The following FER variants were observed in gnomAD, a reference collection of about 807,000 sequenced individuals.
FER encodes the protein tyrosine-protein kinase Fer.
In FER, 63 loss-of-function variants were observed where a neutral mutation model predicts 111.0. The observed-to-expected ratio is 0.57, with a 90% CI of 0.46 to 0.70. The LOEUF is 0.70. FER is among the 30% of genes least tolerant of loss of function. The pLI is 0.00. For missense variants in FER, 914 were observed against 954.0 expected (o/e 0.96, Z 0.55); for synonymous variants, 327 against 313.9 (o/e 1.04, Z -0.44).
chr5:109,010,202 G>C (rs12152788), intron 13 of FER, among the ~76,000 whole-genome samples: 8,748 of 152,094 alleles, frequency 0.058, 384 homozygotes, highest in South Asian at 0.12. Context: ...CTGTCGCCCA[G>C]GCTAGAGTGC....
chr5:108,802,602 T>C (rs554612181), intron 3 of FER, among the ~76,000 whole-genome samples: 2 of 152,108 alleles, frequency 1.3e-5, no homozygotes, highest in East Asian at 3.9e-4. Flanking sequence ...AGTGAGAACA[T>C]GGAGTATTTG....
intron 13 of FER, among the ~76,000 whole-genome samples, chr5:109,020,460 T>C (rs1249656873): frequency 6.6e-6 from 1 of 151,978 alleles, no homozygotes; most frequent in Admixed American, 6.6e-5. Context: ...TCATTCTTTG[T>C]TATTTAATAA....
chr5:108,839,963 G>A (rs539382031), intron 5 of FER, among the ~76,000 whole-genome samples: 2 of 151,804 alleles, frequency 1.3e-5, no homozygotes, highest in East Asian at 1.9e-4. Context: ...ATATCTACTC[G>A]TCCAGCCCCA....
chr5:109,170,051 A>C (rs1374210227), intron 17 of FER, among the ~76,000 whole-genome samples: 3 of 152,136 alleles, frequency 2.0e-5, no homozygotes, highest in Non-Finnish European at 2.9e-5. Flanking sequence ...TCATTATGGC[A>C]CCTTGTGCAT....
chr5:108,993,099 C>T (rs527377271), intron 13 of FER, among the ~76,000 whole-genome samples: 259 of 152,004 alleles, frequency 1.7e-3, no homozygotes, highest in South Asian at 4.6e-3. Flanking sequence ...AGACGATGGG[C>T]GGCCAAGCAG....
At chr5:108,868,016 A>T (rs1309247746) in intron 6 of FER, 66 bp downstream of exon 6, 4 of 1,457,190 alleles carry the variant, frequency 2.7e-6, no homozygotes, top group Non-Finnish European at 3.7e-6. Context: ...TTTTCTCTCT[A>T]GTTTAGGTGT....
chr5:108,967,667 G>A (rs11960336), intron 13 of FER, among the ~76,000 whole-genome samples: 41,579 of 151,122 alleles, frequency 0.28, 6,212 homozygotes, highest in African/African-American at 0.4. Flanking sequence ...GGCTAAGGCA[G>A]GAGAATCGCT....
At chr5:108,884,184 T>G (rs750986154) in intron 9 of FER, among the ~76,000 whole-genome samples, 1 of 152,028 alleles carries the variant, frequency 6.6e-6, no homozygotes, top group Non-Finnish European at 1.5e-5. Flanking sequence ...AGACCTCACA[T>G]ATTTCTTGCT....
chr5:109,023,046 T>C (rs1478949992), intron 13 of FER, among the ~76,000 whole-genome samples: 1 of 152,096 alleles, frequency 6.6e-6, no homozygotes, highest in Non-Finnish European at 1.5e-5. Flanking sequence ...GTAAAATGTA[T>C]GTAAAGGGAG....
intron 15 of FER, among the ~76,000 whole-genome samples, chr5:109,045,272 T>C (rs1356603962): frequency 6.9e-6 from 1 of 145,424 alleles, no homozygotes; most frequent in Non-Finnish European, 1.5e-5. Flanking sequence ...TTTAAGTATA[T>C]ACATTTAAGT....
At chr5:108,820,501 T>G in intron 3 of FER, 1 of 985,434 alleles carries the variant, frequency 1.0e-6, no homozygotes, top group Non-Finnish European at 1.2e-6. Flanking sequence ...ACCAAGAAGC[T>G]GGAAAAGTAT....
At chr5:109,171,434 G>T (rs763520133) in intron 17 of FER, among the ~76,000 whole-genome samples, 1 of 152,178 alleles carries the variant, frequency 6.6e-6, no homozygotes, top group African/African-American at 2.4e-5. Flanking sequence ...TTAGTGTACA[G>T]ATTAGTATGC....
chr5:109,142,928 A>G (rs966471132), intron 17 of FER, among the ~76,000 whole-genome samples: 6 of 152,104 alleles, frequency 3.9e-5, no homozygotes, highest in African/African-American at 1.4e-4. Flanking sequence ...TTACCTCTTC[A>G]ATGTTAGGGA....
At chr5:109,059,422 G>A (rs963488414) in intron 16 of FER, among the ~76,000 whole-genome samples, 12 of 152,094 alleles carry the variant, frequency 7.9e-5, no homozygotes, top group Non-Finnish European at 1.5e-4. Context: ...CAGCTACTTG[G>A]GAAGCTGAGG....
At chr5:109,169,773 G>A (rs1289613539) in intron 17 of FER, among the ~76,000 whole-genome samples, 1 of 152,158 alleles carries the variant, frequency 6.6e-6, no homozygotes, top group Non-Finnish European at 1.5e-5. Flanking sequence ...TGTGGCCTAG[G>A]AGTCAGAAAA....
chr5:108,871,228 A>G (rs1764568175), intron 6 of FER, 137 bp from the exon 7 acceptor site: 1 of 586,708 alleles, frequency 1.7e-6, no homozygotes, highest in Non-Finnish European at 2.9e-6. Flanking sequence ...CCAGGTATGA[A>G]ATAAGGTGGT....
chr5:109,004,960 A>T (rs1765305012), intron 13 of FER, among the ~76,000 whole-genome samples: 1 of 152,096 alleles, frequency 6.6e-6, no homozygotes, highest in African/African-American at 2.4e-5. Flanking sequence ...AGAACTACTG[A>T]TAAAAGCACT....
At chr5:109,015,026 A>T (rs1766874050) in intron 13 of FER, 1 of 152,056 alleles carries the variant, frequency 6.6e-6, no homozygotes, top group South Asian at 2.1e-4. Context: ...TGGTAATTTG[A>T]AAGTATGGAA....
At position 109,187,497 on chromosome 5, in the gene FER, G is replaced by GGATTA; in HGVS notation, c.2392_2396dup (p.Tyr799Ter). On this transcript the variant is annotated frameshift_variant, in exon 20 of 20. Coordinates refer to ENST00000281092, the MANE Select transcript of FER (RefSeq NM_005246.4). LOFTEE classifies it high-confidence loss of function. Reference sequence around the variant, plus strand: ...TTTCCAAAATCATGATGAAGTGTTGGGATTATAAACCTGAAAATCGCCCTA... The same window carrying GGATTA: ...TTTCCAAAATCATGATGAAGTGTTGGGATTAGATTATAAACCTGAAAATCGCCCTA... 1 of 1,614,076 alleles carries GGATTA rather than the reference G, an allele frequency of 6.2e-7. No individual in the cohort carries two copies. The highest frequency in any genetic ancestry group is 8.5e-7 in the Non-Finnish European group (1 of 1,179,988).
Sources: allele counts gnomAD v4.1 joint callset (sites outside exome capture counted in the v4.1 genomes callset), GRCh38; gene constraint gnomAD v4.1.1; transcripts MANE v1.5; gene names NCBI Gene and HGNC (gene_info 2026-07-23, HGNC 2026-07-21).